SNTG1: variants seen among roughly 807,000 people sequenced by gnomAD.
SNTG1 encodes gamma-1-syntrophin.
In SNTG1, 39 loss-of-function variants were observed where a neutral mutation model predicts 74.7. That is an observed-to-expected ratio of 0.52 (90% confidence interval 0.40 to 0.68). The LOEUF (loss-of-function observed/expected upper bound fraction) is 0.68. Ranked by LOEUF, SNTG1 falls within the 30% of genes least tolerant of loss-of-function variation. SNTG1 has a pLI of 0.00. For synonymous variants in SNTG1, 254 were observed against 217.1 expected, an observed-to-expected ratio of 1.17 and a Z score of -1.49; for missense variants, 685 against 609.5, an observed-to-expected ratio of 1.12 and a Z score of -1.30.
intron 17 of SNTG1, among the ~76,000 whole-genome samples, chr8:50,717,102 T>C (rs2095476979): frequency 1.3e-5 from 2 of 152,184 alleles, no homozygotes; most frequent in South Asian, 2.1e-4. Context: ...AATTCACTGC[T>C]ATGTTTATAA....
rs2095352033 is a variant in SNTG1, at chr8:50,686,239, A to C, written c.1039-18361A>C. ...AAAATGCCTACACTAATTCTTAACGAGATAAAAGGAGTGGTCAAAATTGCC... is the reference window on the plus strand; with the variant it reads ...AAAATGCCTACACTAATTCTTAACGCGATAAAAGGAGTGGTCAAAATTGCC... On this transcript the variant is annotated intron_variant, in intron 15 of 18. Transcript: ENST00000642720. 2.6e-5 allele frequency among the ~76,000 whole-genome samples: 4 copies of C among 152,294 alleles called. No homozygotes were observed. In the East Asian group the frequency reaches 7.7e-4, roughly 29 times the overall value.
chr8:50,261,467 C>T (rs1270247536), intron 2 of SNTG1, among the ~76,000 whole-genome samples: 1 of 151,996 alleles, frequency 6.6e-6, no homozygotes, highest in Non-Finnish European at 1.5e-5. Flanking sequence ...AAATGAAAAG[C>T]ACTAGAGAAA....
chr8:49,930,036 G>T (rs896764985), intron 1 of SNTG1, among the ~76,000 whole-genome samples: 5 of 151,714 alleles, frequency 3.3e-5, no homozygotes, highest in Non-Finnish European at 1.5e-5. Flanking sequence ...AGCCTTATAG[G>T]CATTGAAGTA....
chr8:50,467,727 T>G (rs2093620390), intron 8 of SNTG1, among the ~76,000 whole-genome samples: 1 of 151,974 alleles, frequency 6.6e-6, no homozygotes, highest in Non-Finnish European at 1.5e-5. Flanking sequence ...TTGTGAGAGC[T>G]TAGATCATTG....
Position 50,714,002 on chromosome 8 carries a change from T to C in SNTG1, c.1284+5024T>C, listed in dbSNP as rs1029448643. On this transcript the variant is annotated intron_variant, in intron 17 of 18. Coordinates refer to ENST00000642720, the MANE Select transcript of SNTG1 (RefSeq NM_018967.5). ...TGAACCCAGGAGACAGAGGTTGCCA[T>C]GAGTGGACATCGCACCACTGCACTC... Among the ~76,000 whole-genome samples, 19 of 143,208 alleles carry C rather than the reference T, an allele frequency of 1.3e-4. 1 individual carries two copies. The highest frequency in any genetic ancestry group is 1.3e-3 in the South Asian group (6 of 4,638). 94.0% of individuals were successfully genotyped at this position (143,208 alleles called of 152,430 possible).
intron 1 of SNTG1, among the ~76,000 whole-genome samples, chr8:50,079,627 A>G (rs1383236340): frequency 6.6e-6 from 1 of 152,022 alleles, no homozygotes; most frequent in Non-Finnish European, 1.5e-5. Context: ...TTTAGTCCTG[A>G]AGTCTTTGCT....
chr8:50,671,693 G>A (rs2095283654), intron 15 of SNTG1, among the ~76,000 whole-genome samples: 1 of 150,972 alleles, frequency 6.6e-6, no homozygotes, highest in Non-Finnish European at 1.5e-5. Context: ...CCCATTCCTA[G>A]GTATATACCC....
chr8:50,705,461 C>G (rs569221513), intron 16 of SNTG1, among the ~76,000 whole-genome samples: 3 of 152,114 alleles, frequency 2.0e-5, no homozygotes, highest in African/African-American at 7.2e-5. Context: ...ATTAGAAATA[C>G]AATATAGGAA....
At chr8:50,455,687 A>G (rs1014078426) in intron 8 of SNTG1, among the ~76,000 whole-genome samples, 2 of 152,206 alleles carry the variant, frequency 1.3e-5, no homozygotes, top group Non-Finnish European at 1.5e-5. Context: ...ACAATACAAG[A>G]GTTATAACAA....
intron 2 of SNTG1, among the ~76,000 whole-genome samples, chr8:50,357,910 G>A (rs1714706846): frequency 6.6e-6 from 1 of 152,168 alleles, no homozygotes; most frequent in South Asian, 2.1e-4. Flanking sequence ...CCAGATGACA[G>A]ATATTTGATT....
intron 15 of SNTG1, among the ~76,000 whole-genome samples, chr8:50,689,844 T>A (rs905805205): frequency 6.6e-6 from 1 of 152,214 alleles, no homozygotes; most frequent in African/African-American, 2.4e-5. Context: ...TCTTTGTACC[T>A]CTGGTAGAAT....
chr8:50,265,097 T>C (rs2130169357), intron 2 of SNTG1, among the ~76,000 whole-genome samples: 1 of 152,212 alleles, frequency 6.6e-6, no homozygotes, highest in East Asian at 1.9e-4. Context: ...ATTCTAAATA[T>C]TTAAAAAAGA....
intron 1 of SNTG1, among the ~76,000 whole-genome samples, chr8:49,971,883 A>T (rs1277722430): frequency 6.6e-6 from 1 of 152,208 alleles, no homozygotes; most frequent in Non-Finnish European, 1.5e-5. Context: ...AAGAAATGGA[A>T]GAACATTCCA....
chr8:50,610,676 T>A (rs1301509981), intron 13 of SNTG1, among the ~76,000 whole-genome samples: 1 of 150,066 alleles, frequency 6.7e-6, no homozygotes, highest in Admixed American at 6.6e-5. Flanking sequence ...ATATCAAAGT[T>A]GTTGGGTTTC....
At chr8:49,965,809 AT>A (rs1306898479) in intron 1 of SNTG1, among the ~76,000 whole-genome samples, 1 of 151,896 alleles carries the variant, frequency 6.6e-6, no homozygotes, top group Non-Finnish European at 1.5e-5. Context: ...TCTTTTATCT[AT>A]TTTTTCCCAA....
Position 50,006,217 on chromosome 8 carries a change from T to C in SNTG1, c.-103+93986T>C, listed in dbSNP as rs186093522. On this transcript the variant is annotated intron_variant, in intron 1 of 18. Transcript: ENST00000642720. Reference sequence around the variant, plus strand: ...ACCTTGTGATCCACCGGCCTCAGCCTCCCAAAGTGCTGGGATTACAGGCGT... The same window carrying C: ...ACCTTGTGATCCACCGGCCTCAGCCCCCCAAAGTGCTGGGATTACAGGCGT... Among the ~76,000 whole-genome samples, 59 of 152,230 alleles carry C rather than the reference T, an allele frequency of 3.9e-4. No homozygotes were observed. In the East Asian group the frequency reaches 9.5e-3, roughly 24 times the overall value.
At chr8:50,197,699 T>C (rs1238592951) in intron 2 of SNTG1, among the ~76,000 whole-genome samples, 1 of 152,148 alleles carries the variant, frequency 6.6e-6, no homozygotes, top group East Asian at 1.9e-4. Flanking sequence ...ATATTCTACT[T>C]TATCATTTTA....
intron 2 of SNTG1, among the ~76,000 whole-genome samples, chr8:50,194,857 T>A (rs554091949): frequency 1.1e-4 from 17 of 152,244 alleles, no homozygotes; most frequent in African/African-American, 3.9e-4. Flanking sequence ...GAGATTTTGA[T>A]AGATTGTGTC....
chr8:50,207,065 A>T (rs2084279057), intron 2 of SNTG1, among the ~76,000 whole-genome samples: 1 of 152,106 alleles, frequency 6.6e-6, no homozygotes, highest in Admixed American at 6.5e-5. Flanking sequence ...TGTTATCAGG[A>T]TGATGCTGGC....
Sources: allele counts gnomAD v4.1 joint callset (sites outside exome capture counted in the v4.1 genomes callset), GRCh38; gene constraint gnomAD v4.1.1; transcripts MANE v1.5; gene names NCBI Gene and HGNC (gene_info 2026-07-23, HGNC 2026-07-21).